Variants in KIF3C observed in about 807,000 individuals in gnomAD.
KIF3C encodes the protein kinesin family member 3C.
In KIF3C, 12 loss-of-function variants were observed where a neutral mutation model predicts 67.7. The ratio of observed to expected loss-of-function variants is 0.18; its 90% confidence interval spans 0.11 to 0.29. The LOEUF (loss-of-function observed/expected upper bound fraction) is 0.29, where lower values mean the gene tolerates loss of function less well. Ranked by LOEUF, KIF3C falls within the 10% of genes least tolerant of loss-of-function variation. KIF3C has a pLI of 1.00. For synonymous variants in KIF3C, 393 were observed against 426.2 expected (o/e 0.92, Z 0.96); for missense variants, 789 against 1,059.6 (o/e 0.74, Z 3.55).
At chr2:25,952,639 C>A (rs1663653798) in intron 4 of KIF3C, among the ~76,000 whole-genome samples, 1 of 151,574 alleles carries the variant, frequency 6.6e-6, no homozygotes, top group South Asian at 2.1e-4. Context: ...CTCACTGCAA[C>A]CTCCACCTCC....
intron 5 of KIF3C, among the ~76,000 whole-genome samples, chr2:25,944,322 G>A (rs936013270): frequency 1.3e-5 from 2 of 150,348 alleles, no homozygotes; most frequent in African/African-American, 4.9e-5. Flanking sequence ...AAGTGTAGTA[G>A]AGAACATTGG....
At chr2:25,945,429 C>T (rs1425050974) in intron 5 of KIF3C, among the ~76,000 whole-genome samples, 1 of 150,356 alleles carries the variant, frequency 6.7e-6, no homozygotes, top group African/African-American at 2.4e-5. Context: ...AGGCCAGGTT[C>T]GGTGGCTCAA....
intron 1 of KIF3C, among the ~76,000 whole-genome samples, chr2:25,977,569 A>G (rs1218960770): frequency 6.6e-6 from 1 of 152,130 alleles, no homozygotes; most frequent in Non-Finnish European, 1.5e-5. Context: ...GCTAACAACA[A>G]AGATGTCTGT....
At chr2:25,954,501 GCTGCGGGTCCTTTT>G in intron 3 of KIF3C, 116 bp from the exon 4 acceptor site, 2 of 729,982 alleles carry the variant, frequency 2.7e-6, no homozygotes, top group East Asian at 5.4e-5. Flanking sequence ...CCAGGATGAG[GCTGCGGGTCCTTTT>G]CTGAACTCCC....
At chr2:25,971,099 C>A (rs564605344) in intron 1 of KIF3C, among the ~76,000 whole-genome samples, 27 of 151,922 alleles carry the variant, frequency 1.8e-4, no homozygotes, top group African/African-American at 6.3e-4. Context: ...GGTGAAACCC[C>A]GTCTTTACTA....
chr2:25,934,203 C>T (rs1458806880), intron 5 of KIF3C: 17 of 469,992 alleles, frequency 3.6e-5, no homozygotes, highest in Non-Finnish European at 7.5e-5. Flanking sequence ...TGGCAGTTGT[C>T]TAGGTCTGGG....
At chr2:25,929,152 T>C (rs2090436842) in intron 7 of KIF3C, 81 bp from the exon 8 acceptor site, 1 of 1,428,726 alleles carries the variant, frequency 7.0e-7, no homozygotes, top group Non-Finnish European at 9.8e-7. Context: ...CTTTGCCCCA[T>C]CCTGTTGCTG....
At chr2:25,942,774 T>G (rs1663326917) in intron 5 of KIF3C, among the ~76,000 whole-genome samples, 1 of 152,186 alleles carries the variant, frequency 6.6e-6, no homozygotes, top group South Asian at 2.1e-4. Flanking sequence ...CACCTCACCT[T>G]ATATTATTTT....
At chr2:25,975,757 G>A (rs999663157) in intron 1 of KIF3C, among the ~76,000 whole-genome samples, 1 of 152,132 alleles carries the variant, frequency 6.6e-6, no homozygotes, top group Non-Finnish European at 1.5e-5. Flanking sequence ...AGGAGATCCA[G>A]ACCATCTTGG....
intron 1 of KIF3C, among the ~76,000 whole-genome samples, chr2:25,957,795 C>G (rs754089236): frequency 6.6e-6 from 1 of 152,182 alleles, no homozygotes; most frequent in African/African-American, 2.4e-5. Context: ...AAGTTGGGCC[C>G]GCCAGAGAGG....
chr2:25,964,269 G>C (rs989303270), intron 1 of KIF3C, among the ~76,000 whole-genome samples: 4 of 151,912 alleles, frequency 2.6e-5, no homozygotes, highest in African/African-American at 9.7e-5. Flanking sequence ...ACTCTAGCCT[G>C]GGCCACAGAG....
chr2:25,959,834 G>A (rs1378935983), intron 1 of KIF3C, among the ~76,000 whole-genome samples: 1 of 152,124 alleles, frequency 6.6e-6, no homozygotes, highest in African/African-American at 2.4e-5. Flanking sequence ...GGCAGGAGGG[G>A]TGGGGTGGGT....
At chr2:25,954,245 T>A (rs1180128662) in intron 4 of KIF3C, 22 bp downstream of exon 4, 2 of 1,573,014 alleles carry the variant, frequency 1.3e-6, no homozygotes, top group Non-Finnish European at 1.8e-6. Flanking sequence ...GGACCCGGGA[T>A]GAAAAGAGCT....
intron 5 of KIF3C, chr2:25,933,943 T>C: frequency 1.6e-5 from 5 of 314,942 alleles, no homozygotes; most frequent in South Asian, 1.4e-4. Context: ...TTATTTATAA[T>C]AGCCAAAAAG....
chr2:25,946,100 G>A (rs982344243), intron 5 of KIF3C, among the ~76,000 whole-genome samples: 14 of 151,966 alleles, frequency 9.2e-5, no homozygotes, highest in Non-Finnish European at 1.5e-5. Context: ...GTGACATAGC[G>A]AGATTCCGTA....
At chr2:25,930,860 A>AT (rs1331482620) in intron 5 of KIF3C, among the ~76,000 whole-genome samples, 6 of 151,904 alleles carry the variant, frequency 3.9e-5, no homozygotes, top group Non-Finnish European at 8.8e-5. Flanking sequence ...TAATTTTTGT[A>AT]TTTTTAGTAG....
intron 1 of KIF3C, among the ~76,000 whole-genome samples, chr2:25,961,947 C>CAAA (rs201677055): frequency 0.11 from 9,968 of 92,182 alleles, 431 homozygotes; most frequent in Non-Finnish European, 0.13. Flanking sequence ...GACTCCATCT[C>CAAA]AAAAAAAAAA....
intron 5 of KIF3C, among the ~76,000 whole-genome samples, chr2:25,950,694 A>G (rs1663584717): frequency 1.3e-5 from 2 of 152,120 alleles, no homozygotes; most frequent in Non-Finnish European, 1.5e-5. Flanking sequence ...TTCTAGCTCC[A>G]GCCAGGGTGG....
chr2:25,955,797 TC>T lies in KIF3C; in HGVS notation c.1648-135del. ...ATGGCCCATGGCCCACATCCACTGC[TC>T]CCACCCAATCCTGCAGAGCCCCTGG... On this transcript the variant is annotated intron_variant, in intron 2 of 7. Coordinates refer to ENST00000264712, the MANE Select transcript of KIF3C (RefSeq NM_002254.8). The surrounding 1 kb of genome is among the most constrained non-coding windows in gnomAD (Gnocchi z 5.0). 1 of 981,196 alleles carries T rather than the reference TC, an allele frequency of 1.0e-6. No individual in the cohort carries two copies. Among genetic ancestry groups the T allele is most frequent in the Non-Finnish European group, 1.5e-6 (1 of 667,420 alleles). 60.8% of individuals were successfully genotyped at this position (981,196 alleles called of 1,614,324 possible).
Sources: allele counts gnomAD v4.1 joint callset (sites outside exome capture counted in the v4.1 genomes callset), GRCh38; gene constraint gnomAD v4.1.1; non-coding constraint Gnocchi (gnomAD v3.1); transcripts MANE v1.5; gene names NCBI Gene and HGNC (gene_info 2026-07-23, HGNC 2026-07-21).